CNTLN: variants seen among roughly 807,000 people sequenced by gnomAD.
The protein encoded by CNTLN is centlein.
In CNTLN, 212 loss-of-function variants were observed where a neutral mutation model predicts 180.0. The observed-to-expected ratio is 1.18, with a 90% confidence interval of 1.05 to 1.32. CNTLN has a LOEUF of 1.32. Ranked by LOEUF, CNTLN falls within the 40% of genes most tolerant of loss-of-function variation. The pLI is 0.00. For missense variants in CNTLN, 2,095 were observed against 1,610.9 expected (o/e 1.30, Z -5.14); for synonymous variants, 722 against 563.1 (o/e 1.28, Z -3.99).
chr9:17,429,630 T>C (rs1424518001), intron 18 of CNTLN, among the ~76,000 whole-genome samples: 1 of 152,004 alleles, frequency 6.6e-6, no homozygotes, highest in Admixed American at 6.6e-5. Context: ...ATAAGAATTA[T>C]TATCCTGTTT....
chr9:17,345,931 A>C (rs1308245452), intron 12 of CNTLN, among the ~76,000 whole-genome samples: 9 of 152,198 alleles, frequency 5.9e-5, no homozygotes, highest in Middle Eastern at 6.3e-3. Flanking sequence ...AACTTCCTTT[A>C]GAATTATTAA....
chr9:17,330,414 A>G (rs573495017), intron 8 of CNTLN, among the ~76,000 whole-genome samples: 2 of 152,130 alleles, frequency 1.3e-5, no homozygotes, highest in South Asian at 4.1e-4. Flanking sequence ...AGCATTATTT[A>G]TGAAAATACT....
chr9:17,163,396 A>G (rs897341636), intron 2 of CNTLN, among the ~76,000 whole-genome samples: 1 of 152,236 alleles, frequency 6.6e-6, no homozygotes, highest in Non-Finnish European at 1.5e-5. Context: ...AGAGTATAAC[A>G]AAGTACAAGT....
At chr9:17,221,335 A>G (rs1420035391) in intron 2 of CNTLN, among the ~76,000 whole-genome samples, 1 of 152,098 alleles carries the variant, frequency 6.6e-6, no homozygotes, top group Non-Finnish European at 1.5e-5. Flanking sequence ...AGGCAACGCC[A>G]AAACATAAAA....
intron 23 of CNTLN, among the ~76,000 whole-genome samples, chr9:17,482,294 C>T (rs897526801): frequency 2.6e-5 from 4 of 152,048 alleles, no homozygotes; most frequent in Non-Finnish European, 5.9e-5. Flanking sequence ...AGTTATCAGT[C>T]TTTGCAGTTA....
intron 18 of CNTLN, among the ~76,000 whole-genome samples, chr9:17,416,544 G>A (rs926040652): frequency 2.0e-5 from 3 of 152,266 alleles, no homozygotes; most frequent in African/African-American, 7.2e-5. Context: ...GTTTGCCTAT[G>A]TTTGAAACTT....
intron 13 of CNTLN, among the ~76,000 whole-genome samples, chr9:17,367,415 G>T (rs1159437866): frequency 6.6e-6 from 1 of 151,854 alleles, no homozygotes; most frequent in Non-Finnish European, 1.5e-5. Context: ...AGACTGTCTA[G>T]GCCACAATGA....
chr9:17,282,637 G>A, intron 6 of CNTLN, among the ~76,000 whole-genome samples: 1 of 152,110 alleles, frequency 6.6e-6, no homozygotes, highest in Non-Finnish European at 1.5e-5. Flanking sequence ...TGCTTTTGAT[G>A]TTTTTGTCAT....
chr9:17,336,715 A>T (rs938574882), intron 10 of CNTLN, among the ~76,000 whole-genome samples: 2 of 152,140 alleles, frequency 1.3e-5, no homozygotes, highest in African/African-American at 4.8e-5. Context: ...CCTTTTTTTA[A>T]AAAAATTATA....
At chr9:17,157,992 G>A (rs1191061898) in intron 2 of CNTLN, among the ~76,000 whole-genome samples, 1 of 152,180 alleles carries the variant, frequency 6.6e-6, no homozygotes, top group Non-Finnish European at 1.5e-5. Flanking sequence ...TAAGATATAT[G>A]TTAAACAGAA....
intron 2 of CNTLN, among the ~76,000 whole-genome samples, chr9:17,210,393 T>G (rs1442986007): frequency 6.6e-6 from 1 of 152,224 alleles, no homozygotes. Flanking sequence ...GGACATAAAC[T>G]CATCCTTTTT....
intron 12 of CNTLN, among the ~76,000 whole-genome samples, chr9:17,357,171 C>G (rs963430456): frequency 6.6e-6 from 1 of 152,020 alleles, no homozygotes; most frequent in African/African-American, 2.4e-5. Context: ...CCTTGTTGAA[C>G]CATGTGCCAG....
At chr9:17,389,159 A>C (rs1587856169) in intron 14 of CNTLN, among the ~76,000 whole-genome samples, 1 of 152,230 alleles carries the variant, frequency 6.6e-6, no homozygotes, top group South Asian at 2.1e-4. Context: ...GTGATTGTTC[A>C]TACTTCTAAC....
chr9:17,186,576 C>G (rs1041121919), intron 2 of CNTLN, among the ~76,000 whole-genome samples: 5 of 152,108 alleles, frequency 3.3e-5, no homozygotes, highest in Non-Finnish European at 2.9e-5. Context: ...GTGCTCACTT[C>G]TCTATCTCAA....
At position 17,135,053 on chromosome 9, in the gene CNTLN, A is replaced by T. The variant is rs1240388709; in HGVS notation, c.-13A>T. On this transcript the variant is annotated 5_prime_UTR_variant, in exon 1 of 26. Transcript: ENST00000380647. The stretch of plus-strand genomic sequence containing the variant: ...TTTCCAACAGGGAACTTGACCCGTT[A>T]GCAGCCGCAGCCATGGCGGCGCGTT... 6.3e-7 allele frequency: 1 copy of T among 1,590,202 alleles called. No homozygotes were observed. The highest frequency in any genetic ancestry group is 8.5e-7 in the Non-Finnish European group (1 of 1,173,910).
chr9:17,495,505 A>T (rs947338031), intron 25 of CNTLN, among the ~76,000 whole-genome samples: 1 of 152,218 alleles, frequency 6.6e-6, no homozygotes, highest in African/African-American at 2.4e-5. Context: ...CAGAATAAGG[A>T]TATAAAAATG....
chr9:17,273,591 TTG>T (rs1207389846), intron 5 of CNTLN, 140 bp from the exon 6 acceptor site: 24 of 457,614 alleles, frequency 5.2e-5, no homozygotes, highest in African/African-American at 4.7e-4. Flanking sequence ...AAGTTATTGT[TTG>T]TGTTAAAATT....
intron 5 of CNTLN, among the ~76,000 whole-genome samples, chr9:17,238,927 C>T (rs556150017): frequency 6.6e-6 from 1 of 152,234 alleles, no homozygotes; most frequent in South Asian, 2.1e-4. Context: ...AGTTTACATT[C>T]AGACACTTTG....
chr9:17,347,037 A>G (rs1369770953), intron 12 of CNTLN, among the ~76,000 whole-genome samples: 1 of 152,080 alleles, frequency 6.6e-6, no homozygotes, highest in African/African-American at 2.4e-5. Context: ...GGCTATTGTA[A>G]TTTTTAGTTC....
Sources: allele counts gnomAD v4.1 joint callset (sites outside exome capture counted in the v4.1 genomes callset), GRCh38; gene constraint gnomAD v4.1.1; transcripts MANE v1.5; gene names NCBI Gene and HGNC (gene_info 2026-07-23, HGNC 2026-07-21).